DIAPH1: variants seen among roughly 807,000 people sequenced by gnomAD.
DIAPH1 encodes the protein protein diaphanous homolog 1.
Under a neutral mutation model 140.7 loss-of-function variants are expected in DIAPH1, and 46 were observed. The observed-to-expected ratio is 0.33, with a 90% CI of 0.26 to 0.42. The LOEUF (loss-of-function observed/expected upper bound fraction) is 0.42. Among genes scored for constraint, DIAPH1 ranks in the 10% least tolerant of loss-of-function variants. DIAPH1 has a pLI of 1.00. For synonymous variants in DIAPH1, 565 were observed against 551.6 expected, an observed-to-expected ratio of 1.02 and a Z score of -0.34; for missense variants, 1,310 against 1,558.7, an observed-to-expected ratio of 0.84 and a Z score of 2.69.
At chr5:141,524,418 A>T in intron 26 of DIAPH1, 189 bp from the exon 27 acceptor site, 2 of 653,950 alleles carry the variant, frequency 3.1e-6, no homozygotes, top group Non-Finnish European at 2.8e-6. Flanking sequence ...CTGCTAAAAA[A>T]TGGTTAAAAC....
In DIAPH1 at chr5:141,574,150, G is replaced by A. The variant is rs752510907; in HGVS notation, c.1700C>T (p.Ala567Val). 57 of 1,613,938 alleles carry A rather than the reference G, an allele frequency of 3.5e-5. No homozygotes were observed. Among genetic ancestry groups the A allele is most frequent in the African/African-American group, 1.3e-4 (10 of 74,876 alleles). Reference protein sequence around the residue: ...DAKKEMASLSAAAITVPPSVP... With the variant: ...DAKKEMASLSVAAITVPPSVP... ...AGAAGGAGGTACAGTAATAGCTGCC[G>A]CAGAGAGGGAAGCCATTTCTTTCTT... Residue 567 changes from alanine to valine, a missense_variant, in exon 16 of 28, where the codon GCG (alanine) becomes GTG (valine). Ala to Val is a moderately conservative substitution (Grantham distance 64, BLOSUM62 0). Coordinates refer to ENST00000389054, the MANE Select transcript of DIAPH1 (RefSeq NM_005219.5).
chr5:141,537,653 G>GT (rs2099889255), intron 18 of DIAPH1, among the ~76,000 whole-genome samples: 1 of 151,506 alleles, frequency 6.6e-6, no homozygotes, highest in South Asian at 2.1e-4. Context: ...CCAAAATGGA[G>GT]TAGCTTCATG....
chr5:141,524,239 A>G lies in DIAPH1; in HGVS notation c.3575-10T>C. 2 of 1,612,958 alleles carry G rather than the reference A, an allele frequency of 1.2e-6. No homozygotes were observed. Among genetic ancestry groups the G allele is most frequent in the Non-Finnish European group, 8.5e-7 (1 of 1,178,912 alleles). On this transcript the variant is annotated splice_polypyrimidine_tract_variant and intron_variant, in intron 26 of 27. Transcript: ENST00000389054. ...CCTGTCTCATCGCCCTCTGTTATAA[A>G]GAACAAGATGGAGATGTGAACTCTT... is the stretch of plus-strand genomic sequence containing the variant.
chr5:141,520,365 A>G (rs2154594851), intron 27 of DIAPH1, among the ~76,000 whole-genome samples: 1 of 152,306 alleles, frequency 6.6e-6, no homozygotes, highest in South Asian at 2.1e-4. Flanking sequence ...GTGGACTACA[A>G]TGTTGGAGGT....
At chr5:141,519,546 A>G (rs2099886207) in intron 27 of DIAPH1, among the ~76,000 whole-genome samples, 1 of 152,220 alleles carries the variant, frequency 6.6e-6, no homozygotes, top group South Asian at 2.1e-4. Context: ...TTCTTCCTCC[A>G]AAATAAGAAG....
At chr5:141,596,724 G>A (rs2099899381) in intron 1 of DIAPH1, among the ~76,000 whole-genome samples, 1 of 152,126 alleles carries the variant, frequency 6.6e-6, no homozygotes, top group Admixed American at 6.5e-5. Context: ...CTGTCCTACA[G>A]CAAAGCAACC....
chr5:141,576,229 CCTT>C lies in DIAPH1; in HGVS notation c.1459_1461del (p.Lys487del). The C allele has an allele frequency of 6.2e-7, 1 of 1,611,206 alleles. No homozygotes were observed. Among genetic ancestry groups the C allele is most frequent in the Non-Finnish European group, 8.5e-7 (1 of 1,177,324 alleles). On this transcript the variant is annotated inframe_deletion and splice_region_variant, in exon 14 of 28. Coordinates refer to ENST00000389054, the MANE Select transcript of DIAPH1 (RefSeq NM_005219.5). Reference sequence around the variant, plus strand: ...ACATGTCTTTGGTCTCTCATATGCACCTTCTTTTCCAGCTCTGCAGCTTTGGCT... The same window carrying C: ...ACATGTCTTTGGTCTCTCATATGCACCTTTTCCAGCTCTGCAGCTTTGGCT...
intron 18 of DIAPH1, among the ~76,000 whole-genome samples, chr5:141,534,959 T>G (rs1448052220): frequency 3.9e-5 from 6 of 152,132 alleles, no homozygotes; most frequent in African/African-American, 1.2e-4. Context: ...CTTTTTTGTT[T>G]GTTTTTTGAG....
intron 1 of DIAPH1, among the ~76,000 whole-genome samples, chr5:141,593,918 G>C (rs2099898886): frequency 6.6e-6 from 1 of 152,128 alleles, no homozygotes; most frequent in African/African-American, 2.4e-5. Context: ...CCAGGTTCAA[G>C]CCTCCCGAGT....
intron 8 of DIAPH1, among the ~76,000 whole-genome samples, chr5:141,579,736 T>A (rs372743830): frequency 9.9e-5 from 15 of 152,076 alleles, no homozygotes; most frequent in African/African-American, 3.6e-4. Flanking sequence ...GATCACAAGG[T>A]CAGGAGTTCG....
At chr5:141,531,199 C>G (rs1385996091) in intron 19 of DIAPH1, among the ~76,000 whole-genome samples, 3 of 152,190 alleles carry the variant, frequency 2.0e-5, no homozygotes, top group Non-Finnish European at 4.4e-5. Flanking sequence ...GCTGAATTTT[C>G]CTATTTCAGT....
At chr5:141,545,335 G>A (rs2099890624) in intron 18 of DIAPH1, among the ~76,000 whole-genome samples, 1 of 152,202 alleles carries the variant, frequency 6.6e-6, no homozygotes, top group African/African-American at 2.4e-5. Context: ...CAATACAGTA[G>A]GATAAAGCTA....
intron 1 of DIAPH1, among the ~76,000 whole-genome samples, chr5:141,592,036 C>T (rs1195879077): frequency 1.4e-5 from 2 of 147,830 alleles, no homozygotes; most frequent in Non-Finnish European, 3.0e-5. Flanking sequence ...GAGCCGAGAT[C>T]GCACCACTGC....
intron 1 of DIAPH1, among the ~76,000 whole-genome samples, chr5:141,604,056 G>C (rs1292511196): frequency 6.6e-6 from 1 of 151,842 alleles, no homozygotes; most frequent in Non-Finnish European, 1.5e-5. Context: ...GCACTATAAA[G>C]CACACATGGT....
At chr5:141,578,691 T>C (rs1374615233) in intron 9 of DIAPH1, 66 bp from the exon 10 acceptor site, 10 of 1,252,942 alleles carry the variant, frequency 8.0e-6, no homozygotes, top group Non-Finnish European at 1.2e-5. Context: ...CCATTTTCTT[T>C]ACATGCATTC....
intron 7 of DIAPH1, 88 bp downstream of exon 7, chr5:141,582,224 T>C: frequency 1.1e-6 from 1 of 945,380 alleles, no homozygotes; most frequent in South Asian, 1.3e-5. Flanking sequence ...CTGAACCTCA[T>C]ATTCCTAGTT....
intron 18 of DIAPH1, among the ~76,000 whole-genome samples, chr5:141,555,163 T>C (rs2099892373): frequency 6.6e-6 from 1 of 152,160 alleles, no homozygotes; most frequent in African/African-American, 2.4e-5. Context: ...AAATGCTATA[T>C]ATACAGCACA....
At chr5:141,600,532 G>A (rs1160961322) in intron 1 of DIAPH1, among the ~76,000 whole-genome samples, 3 of 152,174 alleles carry the variant, frequency 2.0e-5, no homozygotes, top group Non-Finnish European at 2.9e-5. Flanking sequence ...TTCGCTAAAG[G>A]AAAAGGCTCA....
rs778611148 is a variant in DIAPH1, at chr5:141,529,249, G to A, written c.2701C>T (p.Pro901Ser). The A allele has an allele frequency of 2.5e-6, 4 of 1,614,086 alleles. No homozygotes were observed. Among genetic ancestry groups the A allele is most frequent in the South Asian group, 2.2e-5 (2 of 91,078 alleles). The change falls in exon 21 of 28, where the codon CCA (proline) becomes TCA (serine). Residue 901 changes from proline to serine, a missense_variant. Pro to Ser is a moderately conservative substitution (Grantham distance 74, BLOSUM62 -1). This residue lies in a region of DIAPH1 where 344 missense variants were observed against 512.2 expected (regional missense o/e 0.67). Transcript: ENST00000389054. Reference sequence around the variant, plus strand: ...TCAGAAAGCATTTTTAACTGCTCTGGCTCTGGCATTTGCTTAATGAGGTTC... The same window carrying A: ...TCAGAAAGCATTTTTAACTGCTCTGACTCTGGCATTTGCTTAATGAGGTTC... ...IQNLIKQMPE[P>S]EQLKMLSELK...
Sources: gnomAD v4.1 joint callset for allele counts (sites outside exome capture counted in the v4.1 genomes callset) on GRCh38, gnomAD v4.1.1 for gene constraint, gnomAD v4.1.1 regional missense constraint, MANE v1.5 for transcripts, NCBI Gene and HGNC (gene_info 2026-07-23, HGNC 2026-07-21) for gene names.